RSPO2: variants seen among roughly 807,000 people sequenced by gnomAD.
The protein encoded by RSPO2 is R-spondin-2.
RSPO2 carries 14 observed loss-of-function variants against 30.9 expected under a neutral mutation model. The ratio of observed to expected loss-of-function variants is 0.45; its 90% CI spans 0.30 to 0.71. RSPO2 has a LOEUF of 0.71. RSPO2 is among the 30% of genes least tolerant of loss of function. The probability of loss-of-function intolerance (pLI) is 0.08; values close to 1 mark genes in which losing one functional copy is unlikely to be tolerated. For synonymous variants in RSPO2, 107 were observed against 96.4 expected (o/e 1.11, Z -0.64); for missense variants, 264 against 301.9 (o/e 0.87, Z 0.93).
chr8:107,945,567 T>C (rs951998459), intron 5 of RSPO2, among the ~76,000 whole-genome samples: 1 of 152,154 alleles, frequency 6.6e-6, no homozygotes. Context: ...TTATTTCTAT[T>C]GTATGCCCCA....
intron 5 of RSPO2, among the ~76,000 whole-genome samples, chr8:107,908,428 G>A (rs530557430): frequency 6.6e-6 from 1 of 152,076 alleles, no homozygotes; most frequent in Non-Finnish European, 1.5e-5. Flanking sequence ...AATACTTTAG[G>A]TTAATTGTAA....
chr8:108,058,946 T>C (rs1287604316), intron 2 of RSPO2, among the ~76,000 whole-genome samples: 1 of 151,656 alleles, frequency 6.6e-6, no homozygotes, highest in Non-Finnish European at 1.5e-5. Flanking sequence ...GGGCAAGGAC[T>C]TCATGTCTAA....
intron 2 of RSPO2, among the ~76,000 whole-genome samples, chr8:108,076,947 A>G (rs1391455638): frequency 1.3e-5 from 2 of 152,164 alleles, no homozygotes; most frequent in African/African-American, 2.4e-5. Context: ...AAACCAGTGC[A>G]GTGTCACTAG....
At chr8:107,925,344 T>C (rs1812326484) in intron 5 of RSPO2, among the ~76,000 whole-genome samples, 1 of 151,648 alleles carries the variant, frequency 6.6e-6, no homozygotes, top group South Asian at 2.1e-4. Flanking sequence ...CTGTGAGAAG[T>C]TATTTGAAAC....
At chr8:108,036,937 A>G (rs1355950278) in intron 2 of RSPO2, among the ~76,000 whole-genome samples, 2 of 152,178 alleles carry the variant, frequency 1.3e-5, no homozygotes, top group Non-Finnish European at 2.9e-5. Flanking sequence ...AAACTTGACC[A>G]ATCAATGTTG....
At chr8:108,034,888 G>T (rs1253869030) in intron 2 of RSPO2, among the ~76,000 whole-genome samples, 1 of 152,088 alleles carries the variant, frequency 6.6e-6, no homozygotes. Flanking sequence ...CTACACAGAA[G>T]CTAAGCTTTA....
chr8:107,924,276 A>AACATATG (rs747671798), intron 5 of RSPO2, among the ~76,000 whole-genome samples: 14 of 152,080 alleles, frequency 9.2e-5, no homozygotes, highest in Admixed American at 2.6e-4. Flanking sequence ...GGGAGACATG[A>AACATATG]ACATATGGAT....
intron 3 of RSPO2, among the ~76,000 whole-genome samples, chr8:107,969,542 G>T (rs1043912908): frequency 6.6e-6 from 1 of 152,108 alleles, no homozygotes; most frequent in Non-Finnish European, 1.5e-5. Context: ...GTCAAATAAC[G>T]AGGAACTCTG....
At chr8:107,923,739 T>TA (rs1235003079) in intron 5 of RSPO2, among the ~76,000 whole-genome samples, 2 of 152,022 alleles carry the variant, frequency 1.3e-5, no homozygotes, top group African/African-American at 4.8e-5. Context: ...TATGCAGCCA[T>TA]AAAAAAGAAC....
rs375856739 is a variant in RSPO2, at chr8:108,082,654, G to A, written c.-16C>T. 2.5e-6 allele frequency: 4 copies of A among 1,603,710 alleles called. No individual in the cohort carries two copies. In the South Asian group the frequency reaches 3.3e-5, roughly 13 times the overall value. On this transcript the variant is annotated 5_prime_UTR_variant, in exon 2 of 6. Transcript: ENST00000276659. Reference sequence around the variant, plus strand: ...GAAACTGCATCTGGGCGGTCGGGCGGGGGAGAGACGCCTCTCAAAGTCTAG... The same window carrying A: ...GAAACTGCATCTGGGCGGTCGGGCGAGGGAGAGACGCCTCTCAAAGTCTAG...
intron 2 of RSPO2, 57 bp from the exon 3 acceptor site, chr8:107,989,301 A>G: frequency 9.1e-7 from 1 of 1,098,382 alleles, no homozygotes; most frequent in Non-Finnish European, 1.3e-6. Flanking sequence ...ATTTTTGGTA[A>G]ATACACCTGC....
At chr8:108,001,243 A>T (rs962505891) in intron 2 of RSPO2, among the ~76,000 whole-genome samples, 2 of 152,126 alleles carry the variant, frequency 1.3e-5, no homozygotes, top group African/African-American at 2.4e-5. Context: ...AGTCATGAAT[A>T]CCCCAAATCA....
intron 3 of RSPO2, among the ~76,000 whole-genome samples, chr8:107,979,906 A>G (rs150072979): frequency 4.8e-4 from 73 of 151,966 alleles, no homozygotes; most frequent in Non-Finnish European, 8.4e-4. Flanking sequence ...TGCTCAACCT[A>G]TTTCCCCTGG....
Position 108,060,156 on chromosome 8 carries a change from C to T in RSPO2, c.94+22389G>A, listed in dbSNP as rs1290959765. Among the ~76,000 whole-genome samples, 6 of 151,846 alleles carry T rather than the reference C, an allele frequency of 4.0e-5. 1 individual carries two copies. Among genetic ancestry groups the T allele is most frequent in the African/African-American group, 1.2e-4 (5 of 41,192 alleles). ...TTTCCAACTGAGGAACACAGCTCCT[C>T]GCCAGCAATGGAACAAAGCTGGATG... On this transcript the variant is annotated intron_variant, in intron 2 of 5. Coordinates refer to ENST00000276659, the MANE Select transcript of RSPO2 (RefSeq NM_178565.5).
intron 2 of RSPO2, among the ~76,000 whole-genome samples, chr8:107,993,927 C>G (rs1814930911): frequency 6.6e-6 from 1 of 152,022 alleles, no homozygotes; most frequent in East Asian, 1.9e-4. Context: ...GATTTAAGGC[C>G]CATCTTTATC....
intron 5 of RSPO2, among the ~76,000 whole-genome samples, chr8:107,923,023 A>G: frequency 6.6e-6 from 1 of 152,138 alleles, no homozygotes; most frequent in South Asian, 2.1e-4. Context: ...AGGAACAGGC[A>G]AAGATTTCAT....
At chr8:107,955,639 A>T (rs947941095) in intron 5 of RSPO2, among the ~76,000 whole-genome samples, 7 of 45,146 alleles carry the variant, frequency 1.6e-4, no homozygotes, top group Non-Finnish European at 2.1e-4. Context: ...ACTGTTTTTT[A>T]AAAAAAACTC....
chr8:107,911,715 GAAGTT>G (rs1811833707), intron 5 of RSPO2, among the ~76,000 whole-genome samples: 1 of 152,200 alleles, frequency 6.6e-6, no homozygotes, highest in African/African-American at 2.4e-5. Flanking sequence ...TAGGTTTCGA[GAAGTT>G]AAGTAAATAG....
intron 3 of RSPO2, among the ~76,000 whole-genome samples, chr8:107,986,261 A>G (rs1054974677): frequency 1.3e-5 from 2 of 152,216 alleles, no homozygotes; most frequent in African/African-American, 4.8e-5. Flanking sequence ...GTATACTGTT[A>G]AGAAATAATT....
Sources: gnomAD v4.1 joint callset for allele counts (sites outside exome capture counted in the v4.1 genomes callset) on GRCh38, gnomAD v4.1.1 for gene constraint, MANE v1.5 for transcripts, NCBI Gene and HGNC (gene_info 2026-07-23, HGNC 2026-07-21) for gene names.